Variants in EFCAB5 observed in about 807,000 individuals in gnomAD.
EFCAB5 encodes EF-hand calcium-binding domain-containing protein 5.
In EFCAB5, 131 loss-of-function variants were observed where a neutral mutation model predicts 167.9. The ratio of observed to expected loss-of-function variants is 0.78; its 90% CI spans 0.68 to 0.90. The LOEUF is 0.90. Ranked by LOEUF, EFCAB5 falls within the 40% of genes least tolerant of loss-of-function variation. EFCAB5 has a pLI of 0.00. For missense variants in EFCAB5, 1,663 were observed against 1,745.2 expected (o/e 0.95, Z 0.84); for synonymous variants, 574 against 602.8 (o/e 0.95, Z 0.70).
intron 3 of EFCAB5, among the ~76,000 whole-genome samples, chr17:29,965,701 G>A (rs2067815166): frequency 6.6e-6 from 1 of 152,162 alleles, no homozygotes; most frequent in Admixed American, 6.5e-5. Flanking sequence ...TGGTTTCAGA[G>A]TACAAGAGGA....
intron 14 of EFCAB5, among the ~76,000 whole-genome samples, chr17:30,072,548 T>C (rs1235620741): frequency 2.0e-5 from 3 of 152,214 alleles, no homozygotes; most frequent in Non-Finnish European, 4.4e-5. Context: ...AAAGAATCTC[T>C]AAGAAACTCT....
chr17:29,967,209 G>A (rs183528885), intron 3 of EFCAB5, among the ~76,000 whole-genome samples: 2 of 152,300 alleles, frequency 1.3e-5, no homozygotes, highest in Admixed American at 6.5e-5. Flanking sequence ...TTCTGTGAAT[G>A]TGTGCTTACA....
At chr17:30,085,931 A>G (rs947572192) in intron 18 of EFCAB5, among the ~76,000 whole-genome samples, 1 of 152,180 alleles carries the variant, frequency 6.6e-6, no homozygotes, top group Admixed American at 6.5e-5. Context: ...TCCAAGCACC[A>G]TTCAACATGC....
At chr17:29,971,262 G>T (rs923147860) in intron 4 of EFCAB5, among the ~76,000 whole-genome samples, 2 of 152,092 alleles carry the variant, frequency 1.3e-5, no homozygotes, top group Non-Finnish European at 2.9e-5. Flanking sequence ...CTACCTTACT[G>T]AGTTCTCTTA....
chr17:30,082,065 C>T (rs2070997711), intron 17 of EFCAB5, among the ~76,000 whole-genome samples: 1 of 152,150 alleles, frequency 6.6e-6, no homozygotes, highest in Admixed American at 6.5e-5. Context: ...CATCCCTTCT[C>T]TGTGGAACAG....
Position 30,054,064 on chromosome 17 carries a change from G to A in EFCAB5, c.2110G>A (p.Glu704Lys), listed in dbSNP as rs528377445. ...EVPLQEKRSW[E>K]QTYEEEIFLS... ...CCCTCTACAGGAAAAGAGGTCTTGG[G>A]AACAAACATATGAAGAGGAAATATT... The change falls in exon 10 of 23, where the codon GAA (glutamate) becomes AAA (lysine). Residue 704 changes from glutamate to lysine, a missense_variant. Physicochemically the swap from Glu to Lys is moderately conservative, Grantham distance 56 (BLOSUM62 1). Coordinates refer to ENST00000394835, the MANE Select transcript of EFCAB5 (RefSeq NM_198529.4). 12 of 1,597,072 alleles carry A rather than the reference G, an allele frequency of 7.5e-6. No homozygotes were observed. In the East Asian group the frequency reaches 2.2e-4, roughly 30 times the overall value.
At chr17:30,070,843 G>A (rs907616511) in intron 14 of EFCAB5, among the ~76,000 whole-genome samples, 1 of 150,306 alleles carries the variant, frequency 6.7e-6, no homozygotes, top group East Asian at 2.0e-4. Flanking sequence ...CTAGCTACTC[G>A]GGAGGCTGAG....
intron 7 of EFCAB5, among the ~76,000 whole-genome samples, chr17:30,023,068 A>G (rs1369465696): frequency 2.0e-5 from 3 of 152,014 alleles, no homozygotes; most frequent in Non-Finnish European, 4.4e-5. Context: ...AATGCCCACA[A>G]GAGAAAGCAG....
At chr17:30,092,230 T>C (rs1459133860) in intron 21 of EFCAB5, 73 bp downstream of exon 21, 2 of 1,451,426 alleles carry the variant, frequency 1.4e-6, no homozygotes, top group East Asian at 2.3e-5. Context: ...CAAATCATAA[T>C]TGCATAAATC....
At chr17:29,938,312 T>TG (rs1555546570), upstream of EFCAB5, among the ~76,000 whole-genome samples, 648 of 152,184 alleles carry the variant, frequency 4.3e-3, 1 homozygote, top group Admixed American at 7.3e-3. Context: ...ACTTTTTTGC[T>TG]AAAAAATGCT....
chr17:30,050,404 G>A (rs1470733470), intron 8 of EFCAB5, among the ~76,000 whole-genome samples: 1 of 152,002 alleles, frequency 6.6e-6, no homozygotes, highest in East Asian at 1.9e-4. Context: ...CAAAGTGCTG[G>A]GATTACAGGC....
chr17:30,090,797 T>G, intron 20 of EFCAB5, 123 bp downstream of exon 20: 1 of 1,356,442 alleles, frequency 7.4e-7, no homozygotes, highest in Non-Finnish European at 1.0e-6. Context: ...TCTTTTCATA[T>G]AAAAGGAATT....
intron 1 of EFCAB5, among the ~76,000 whole-genome samples, chr17:29,933,379 GC>G (rs1470732430): frequency 5.3e-5 from 8 of 152,198 alleles, no homozygotes; most frequent in Non-Finnish European, 1.0e-4. Context: ...TGAAATCTAT[GC>G]TTTGTGCCCC....
chr17:30,068,095 G>T (rs1254909862), intron 14 of EFCAB5, among the ~76,000 whole-genome samples: 1 of 152,208 alleles, frequency 6.6e-6, no homozygotes, highest in East Asian at 1.9e-4. Context: ...CACCAGTTCA[G>T]GAGATCAAGA....
At chr17:30,092,544 C>T (rs775595044) in intron 21 of EFCAB5, among the ~76,000 whole-genome samples, 5 of 152,120 alleles carry the variant, frequency 3.3e-5, no homozygotes, top group South Asian at 2.1e-4. Flanking sequence ...CCCGCCACCA[C>T]GCCCAGCTAA....
chr17:29,931,100 T>C (rs1247128548), intron 1 of EFCAB5, among the ~76,000 whole-genome samples: 1 of 152,160 alleles, frequency 6.6e-6, no homozygotes, highest in Non-Finnish European at 1.5e-5. Flanking sequence ...TAATGGAAAA[T>C]CAAGATTAAA....
At chr17:29,940,881 T>A (rs948844360), upstream of EFCAB5, among the ~76,000 whole-genome samples, 20 of 151,474 alleles carry the variant, frequency 1.3e-4, no homozygotes, top group Admixed American at 1.3e-3. Flanking sequence ...CTCTACTAAA[T>A]GTACAAAAAT....
intron 7 of EFCAB5, among the ~76,000 whole-genome samples, chr17:30,025,351 G>C (rs901730510): frequency 1.4e-4 from 21 of 152,226 alleles, no homozygotes; most frequent in African/African-American, 4.8e-4. Flanking sequence ...ATCAAAAAGT[G>C]GGCAAAGGGT....
At chr17:29,932,276 G>A (rs903189996) in intron 1 of EFCAB5, among the ~76,000 whole-genome samples, 22 of 149,070 alleles carry the variant, frequency 1.5e-4, no homozygotes, top group Middle Eastern at 3.5e-3. Context: ...TCAGCCTCCC[G>A]AGTAGCTGGG....
Sources: gnomAD v4.1 joint callset for allele counts (sites outside exome capture counted in the v4.1 genomes callset) on GRCh38, gnomAD v4.1.1 for gene constraint, MANE v1.5 for transcripts, NCBI Gene and HGNC (gene_info 2026-07-23, HGNC 2026-07-21) for gene names.